GADL1: variants seen among roughly 807,000 people sequenced by gnomAD.
GADL1 encodes the protein acidic amino acid decarboxylase GADL1.
A neutral mutation model predicts 69.5 loss-of-function variants in GADL1; 71 were observed. The ratio of observed to expected loss-of-function variants is 1.02; its 90% CI spans 0.84 to 1.25. The LOEUF (loss-of-function observed/expected upper bound fraction) is 1.25. GADL1 is among the 50% of genes most tolerant of loss of function. GADL1 has a pLI of 0.00. For synonymous variants in GADL1, 254 were observed against 214.4 expected, an observed-to-expected ratio of 1.18 and a Z score of -1.62; for missense variants, 737 against 631.8, an observed-to-expected ratio of 1.17 and a Z score of -1.79.
At chr3:30,813,778 T>C (rs964153221) in intron 11 of GADL1, among the ~76,000 whole-genome samples, 1 of 152,230 alleles carries the variant, frequency 6.6e-6, no homozygotes, top group African/African-American at 2.4e-5. Flanking sequence ...TTACTGACAT[T>C]ACTATAATCA....
chr3:30,740,704 A>C (rs999112490), intron 14 of GADL1, among the ~76,000 whole-genome samples: 3 of 151,594 alleles, frequency 2.0e-5, no homozygotes, highest in African/African-American at 7.3e-5. Flanking sequence ...CAGCCATTTG[A>C]ATGTCTTCTT....
chr3:30,748,122 G>C (rs1695736277), intron 14 of GADL1, among the ~76,000 whole-genome samples: 1 of 152,196 alleles, frequency 6.6e-6, no homozygotes, highest in African/African-American at 2.4e-5. Flanking sequence ...AGAAAGGGAT[G>C]ACTTGGTGTT....
chr3:30,747,364 A>G (rs1695722336), intron 14 of GADL1, among the ~76,000 whole-genome samples: 1 of 152,244 alleles, frequency 6.6e-6, no homozygotes, highest in African/African-American at 2.4e-5. Context: ...AATCAACTGC[A>G]TAAATATATC....
chr3:30,805,938 A>G (rs1247588087), intron 11 of GADL1, among the ~76,000 whole-genome samples: 2 of 151,836 alleles, frequency 1.3e-5, no homozygotes, highest in African/African-American at 4.8e-5. Flanking sequence ...TCCTATGAGA[A>G]TCTAATGCCA....
chr3:30,839,639 C>A lies in GADL1; in HGVS notation c.787-526G>T, dbSNP rs562405834. ...TGTAGAATATTCTCAGGTACAAATT[C>A]AGCATCAGAGGAGATAAGGCAACCT... On this transcript the variant is annotated intron_variant, in intron 8 of 14. Transcript: ENST00000282538. Among the ~76,000 whole-genome samples the A allele has an allele frequency of 5.3e-5, 8 of 151,934 alleles. No individual in the cohort carries two copies. The East Asian group carries it at 1.6e-3, about 30-fold the overall frequency.
chr3:30,753,464 A>AG (rs1695884250), intron 14 of GADL1, among the ~76,000 whole-genome samples: 1 of 151,674 alleles, frequency 6.6e-6, no homozygotes, highest in South Asian at 2.1e-4. Context: ...AAAAATTCTC[A>AG]GGTTTTTTCA....
At position 30,834,263 on chromosome 3, in the gene GADL1, C is replaced by T. The variant is rs1488300195; in HGVS notation, c.922G>A (p.Ala308Thr). The T allele has an allele frequency of 6.2e-7, 1 of 1,612,590 alleles. No individual in the cohort carries two copies. The highest frequency in any genetic ancestry group is 1.1e-5 in the South Asian group (1 of 91,056). The change falls in exon 10 of 15, where the codon GCT (alanine) becomes ACT (threonine). Residue 308 changes from alanine to threonine, a missense_variant. Ala to Thr is a moderately conservative substitution (Grantham distance 58). Coordinates refer to ENST00000282538, the MANE Select transcript of GADL1 (RefSeq NM_207359.3). ...LHVDASWGGS[A>T]LMSRKHRKLL... ...TTGCGGTGCTTCCTCGACATCAAAG[C>T]TGAGCCACCCCAAGAAGCCTGTTGA...
intron 1 of GADL1, among the ~76,000 whole-genome samples, chr3:30,874,909 G>A (rs571183690): frequency 5.3e-4 from 80 of 152,020 alleles, no homozygotes; most frequent in African/African-American, 1.9e-3. Context: ...CAGCACCAAC[G>A]TACATAATTG....
At chr3:30,773,134 TAAGAA>T (rs1242260979) in intron 14 of GADL1, among the ~76,000 whole-genome samples, 7 of 152,156 alleles carry the variant, frequency 4.6e-5, no homozygotes, top group Non-Finnish European at 8.8e-5. Context: ...AGTGGTACAA[TAAGAA>T]AAGATTAAAA....
intron 11 of GADL1, among the ~76,000 whole-genome samples, chr3:30,817,012 G>A (rs952391735): frequency 6.6e-6 from 1 of 152,108 alleles, no homozygotes; most frequent in Admixed American, 6.6e-5. Flanking sequence ...AGCATGGGCT[G>A]ACATACAGTG....
intron 6 of GADL1, among the ~76,000 whole-genome samples, chr3:30,846,009 C>T (rs1262581107): frequency 6.6e-6 from 1 of 151,206 alleles, no homozygotes; most frequent in Admixed American, 6.6e-5. Context: ...TCTTTAAGTA[C>T]CTGAGGGCAA....
chr3:30,879,587 G>C lies in GADL1; in HGVS notation c.37+14991C>G, dbSNP rs1698618046. On this transcript the variant is annotated intron_variant, in intron 1 of 14. Coordinates refer to ENST00000282538, the MANE Select transcript of GADL1 (RefSeq NM_207359.3). ...TAAAACTATCATATAACCATCCACT[G>C]TCTCTCCACCCCTGCTTCCATCCCA... 2.0e-5 allele frequency among the ~76,000 whole-genome samples: 3 copies of C among 151,824 alleles called. No individual in the cohort carries two copies. The South Asian group carries it at 6.2e-4, about 31-fold the overall frequency.
At chr3:30,839,246 G>T in intron 8 of GADL1, 133 bp from the exon 9 acceptor site, 1 of 536,928 alleles carries the variant, frequency 1.9e-6, no homozygotes, top group Non-Finnish European at 3.3e-6. Context: ...TAATTCAATG[G>T]GTGTTTTTAA....
chr3:30,801,017 G>T lies in GADL1; in HGVS notation c.1122C>A (p.Ser374Arg). Residue 374 changes from serine to arginine, a missense_variant, in exon 12 of 15, where the codon AGC becomes AGA. Transcript: ENST00000282538. Reference sequence around the variant, plus strand: ...GGATAGACTTGTCTCCTGTGTCATAGCTCACATCATAGAATTTATCCTGCT... The same window carrying T: ...GGATAGACTTGTCTCCTGTGTCATATCTCACATCATAGAATTTATCCTGCT... ...LFQQDKFYDV[S>R]YDTGDKSIQC... The T allele has an allele frequency of 6.2e-7, 1 of 1,613,890 alleles. No individual in the cohort carries two copies. The highest frequency in any genetic ancestry group is 2.2e-5 in the East Asian group (1 of 44,862).
chr3:30,891,657 A>AT (rs931230385), intron 1 of GADL1, among the ~76,000 whole-genome samples: 3 of 152,132 alleles, frequency 2.0e-5, no homozygotes, highest in African/African-American at 7.2e-5. Flanking sequence ...AAAATAAAAA[A>AT]AAAAATAAAA....
At chr3:30,883,331 A>T (rs1559368847) in intron 1 of GADL1, among the ~76,000 whole-genome samples, 1 of 152,010 alleles carries the variant, frequency 6.6e-6, no homozygotes, top group Non-Finnish European at 1.5e-5. Flanking sequence ...TATATACAGT[A>T]TAATAAAAAG....
chr3:30,806,440 A>G (rs1038875561), intron 11 of GADL1, among the ~76,000 whole-genome samples: 3 of 152,198 alleles, frequency 2.0e-5, no homozygotes, highest in African/African-American at 7.2e-5. Flanking sequence ...CTAAAATATA[A>G]AAGTGAACTT....
At chr3:30,831,215 A>ATC (rs1488993964) in intron 11 of GADL1, among the ~76,000 whole-genome samples, 6 of 152,074 alleles carry the variant, frequency 3.9e-5, no homozygotes, top group Non-Finnish European at 8.8e-5. Flanking sequence ...ACCCTTCATG[A>ATC]TCTACCCACT....
At chr3:30,878,829 T>G (rs1255901749) in intron 1 of GADL1, among the ~76,000 whole-genome samples, 1 of 151,948 alleles carries the variant, frequency 6.6e-6, no homozygotes, top group Non-Finnish European at 1.5e-5. Context: ...GTCTTCCACA[T>G]GAGCCCACAT....
Sources: gnomAD v4.1 joint callset for allele counts (sites outside exome capture counted in the v4.1 genomes callset) on GRCh38, gnomAD v4.1.1 for gene constraint, MANE v1.5 for transcripts, NCBI Gene and HGNC (gene_info 2026-07-23, HGNC 2026-07-21) for gene names.